Variants in BRINP3 observed in about 807,000 individuals in gnomAD.
BRINP3 encodes BMP/retinoic acid-inducible neural-specific protein 3.
BRINP3 carries 19 observed loss-of-function variants against 71.0 expected under a neutral mutation model. That is an observed-to-expected ratio of 0.27 (90% CI 0.19 to 0.39). The LOEUF is 0.39. Among genes scored for constraint, BRINP3 ranks in the 10% least tolerant of loss-of-function variants. The probability of loss-of-function intolerance (pLI) is 1.00; values close to 1 mark genes in which losing one functional copy is unlikely to be tolerated. For synonymous variants in BRINP3, 380 were observed against 337.7 expected (o/e 1.13, Z -1.37); for missense variants, 959 against 940.8 (o/e 1.02, Z -0.25).
At chr1:190,453,131 A>G (rs956524155) in intron 2 of BRINP3, among the ~76,000 whole-genome samples, 1 of 151,438 alleles carries the variant, frequency 6.6e-6, no homozygotes, top group African/African-American at 2.4e-5. Context: ...ATAAACACAC[A>G]TAAAAATAAA....
At chr1:190,226,883 T>C (rs774131857) in intron 5 of BRINP3, among the ~76,000 whole-genome samples, 3 of 151,930 alleles carry the variant, frequency 2.0e-5, no homozygotes, top group Non-Finnish European at 4.4e-5. Context: ...AGGAATCAGA[T>C]GGACTGATTT....
intron 2 of BRINP3, among the ~76,000 whole-genome samples, chr1:190,379,118 A>G (rs1335057981): frequency 6.6e-6 from 1 of 152,234 alleles, no homozygotes; most frequent in African/African-American, 2.4e-5. Context: ...ACCTGCTGAA[A>G]ACAATATACA....
chr1:190,115,637 A>T (rs1653066690), intron 7 of BRINP3, among the ~76,000 whole-genome samples: 1 of 152,132 alleles, frequency 6.6e-6, no homozygotes, highest in South Asian at 2.1e-4. Flanking sequence ...AAAAACAGGA[A>T]CATCCCGACT....
At chr1:190,190,613 C>T (rs913768724) in intron 6 of BRINP3, among the ~76,000 whole-genome samples, 1 of 152,028 alleles carries the variant, frequency 6.6e-6, no homozygotes, top group Non-Finnish European at 1.5e-5. Flanking sequence ...CATATTTCTA[C>T]TGTAGAGCAT....
At chr1:190,379,946 T>C (rs988744043) in intron 2 of BRINP3, among the ~76,000 whole-genome samples, 3 of 128,936 alleles carry the variant, frequency 2.3e-5, no homozygotes, top group Non-Finnish European at 3.1e-5. Context: ...TGCAGTGAGC[T>C]GAGATCGTGC....
At chr1:190,316,740 C>T (rs1665907302) in intron 2 of BRINP3, among the ~76,000 whole-genome samples, 1 of 152,076 alleles carries the variant, frequency 6.6e-6, no homozygotes, top group South Asian at 2.1e-4. Flanking sequence ...CATGCTGAAT[C>T]TAAGTCCTGA....
At chr1:190,301,174 T>TACAC (rs1446514086) in intron 2 of BRINP3, among the ~76,000 whole-genome samples, 8 of 58,094 alleles carry the variant, frequency 1.4e-4, no homozygotes, top group African/African-American at 4.0e-4. Flanking sequence ...TACATATATA[T>TACAC]ACATATATAT....
chr1:190,227,190 C>T (rs1233060246), intron 5 of BRINP3, among the ~76,000 whole-genome samples: 1 of 151,550 alleles, frequency 6.6e-6, no homozygotes, highest in Non-Finnish European at 1.5e-5. Context: ...GTGTTACTTA[C>T]CAGAAAACTG....
At chr1:190,339,871 A>G (rs1035810926) in intron 2 of BRINP3, among the ~76,000 whole-genome samples, 4 of 151,912 alleles carry the variant, frequency 2.6e-5, no homozygotes, top group Non-Finnish European at 4.4e-5. Flanking sequence ...TTATTTGTGA[A>G]TTGTAATTTA....
chr1:190,392,665 A>T (rs966932705), intron 2 of BRINP3, among the ~76,000 whole-genome samples: 1 of 151,644 alleles, frequency 6.6e-6, no homozygotes, highest in Non-Finnish European at 1.5e-5. Flanking sequence ...TCACTTTCAC[A>T]TTTTTTATAT....
chr1:190,157,604 T>TATTACA, intron 7 of BRINP3, among the ~76,000 whole-genome samples: 1 of 152,162 alleles, frequency 6.6e-6, no homozygotes, highest in Non-Finnish European at 1.5e-5. Flanking sequence ...TATTACATGG[T>TATTACA]TTTCAAATTG....
intron 4 of BRINP3, among the ~76,000 whole-genome samples, chr1:190,254,149 A>G (rs1170362699): frequency 6.6e-6 from 1 of 152,118 alleles, no homozygotes; most frequent in African/African-American, 2.4e-5. Context: ...TACCAGTACC[A>G]TGCTGTTTTG....
chr1:190,239,661 T>C (rs574724974), intron 4 of BRINP3, among the ~76,000 whole-genome samples: 80 of 152,114 alleles, frequency 5.3e-4, no homozygotes, highest in Non-Finnish European at 8.2e-4. Flanking sequence ...CTAACAATAA[T>C]TGGTTAATAT....
intron 2 of BRINP3, among the ~76,000 whole-genome samples, chr1:190,346,628 T>A (rs1430584541): frequency 6.6e-6 from 1 of 152,124 alleles, no homozygotes; most frequent in Non-Finnish European, 1.5e-5. Flanking sequence ...CTAGATCATT[T>A]TTTAATACAA....
chr1:190,460,948 A>G (rs1676354752), intron 1 of BRINP3, among the ~76,000 whole-genome samples: 1 of 152,074 alleles, frequency 6.6e-6, no homozygotes, highest in Admixed American at 6.6e-5. Context: ...GCTCAACAAT[A>G]CCAACTTTGC....
intron 4 of BRINP3, among the ~76,000 whole-genome samples, chr1:190,255,759 G>GT (rs34701521): frequency 0.4 from 60,841 of 151,658 alleles, 13,129 homozygotes; most frequent in Non-Finnish European, 0.49. Context: ...TTTTTGAAGG[G>GT]TTTTTTGGGT....
At chr1:190,234,530 T>C in intron 4 of BRINP3, 53 bp from the exon 5 acceptor site, 1 of 1,363,314 alleles carries the variant, frequency 7.3e-7, no homozygotes, top group South Asian at 1.2e-5. Context: ...ACAATGTCCT[T>C]TTGGTTCACT....
intron 1 of BRINP3, among the ~76,000 whole-genome samples, chr1:190,464,314 G>A (rs1449154396): frequency 5.9e-5 from 9 of 151,550 alleles, no homozygotes; most frequent in African/African-American, 1.5e-4. Flanking sequence ...CAAATGTCTT[G>A]GTGTATTAAT....
intron 2 of BRINP3, among the ~76,000 whole-genome samples, chr1:190,441,671 A>C (rs1288510392): frequency 1.3e-5 from 2 of 152,148 alleles, no homozygotes; most frequent in Admixed American, 6.5e-5. Flanking sequence ...AGAAAAGAAA[A>C]TTATTGACAG....
Sources: gnomAD v4.1 joint callset for allele counts (sites outside exome capture counted in the v4.1 genomes callset) on GRCh38, gnomAD v4.1.1 for gene constraint, MANE v1.5 for transcripts, NCBI Gene and HGNC (gene_info 2026-07-23, HGNC 2026-07-21) for gene names.